Variants in ANKRD13C observed in about 807,000 individuals in gnomAD.
The protein encoded by ANKRD13C is ankyrin repeat domain 13C.
Under a neutral mutation model 65.5 loss-of-function variants are expected in ANKRD13C, and 16 were observed. The ratio of observed to expected loss-of-function variants is 0.24; its 90% confidence interval spans 0.17 to 0.37. The LOEUF (loss-of-function observed/expected upper bound fraction) is 0.37, where lower values mean the gene tolerates loss of function less well. Among genes scored for constraint, ANKRD13C ranks in the 10% least tolerant of loss-of-function variants. ANKRD13C has a pLI of 1.00. For missense variants in ANKRD13C, 503 were observed against 655.9 expected, an observed-to-expected ratio of 0.77 and a Z score of 2.55; for synonymous variants, 235 against 238.7, an observed-to-expected ratio of 0.98 and a Z score of 0.14.
At chr1:70,279,689 G>C (rs1311725172) in intron 9 of ANKRD13C, among the ~76,000 whole-genome samples, 1 of 151,882 alleles carries the variant, frequency 6.6e-6, no homozygotes, top group Non-Finnish European at 1.5e-5. Context: ...TTTTAATAGA[G>C]ATGGGGTTTC....
intron 9 of ANKRD13C, among the ~76,000 whole-genome samples, chr1:70,286,911 G>T (rs577563316): frequency 6.6e-6 from 1 of 152,246 alleles, no homozygotes; most frequent in South Asian, 2.1e-4. Flanking sequence ...GCTTGAACAT[G>T]GCAGGCAGAG....
chr1:70,349,261 T>C (rs1489551689), intron 1 of ANKRD13C, among the ~76,000 whole-genome samples: 1 of 152,200 alleles, frequency 6.6e-6, no homozygotes, highest in African/African-American at 2.4e-5. Context: ...GATTCAATCT[T>C]TTAATTTTAC....
chr1:70,315,362 T>A (rs1226865480), intron 4 of ANKRD13C, 119 bp downstream of exon 4: 13 of 721,258 alleles, frequency 1.8e-5, no homozygotes, highest in Non-Finnish European at 6.9e-6. Flanking sequence ...TTAAGCATGA[T>A]TTTTACCATT....
At chr1:70,349,767 A>G (rs954185269) in intron 1 of ANKRD13C, among the ~76,000 whole-genome samples, 2 of 152,216 alleles carry the variant, frequency 1.3e-5, no homozygotes, top group African/African-American at 4.8e-5. Context: ...TTGAGGTTAA[A>G]AAAATAAATA....
intron 12 of ANKRD13C, among the ~76,000 whole-genome samples, chr1:70,264,475 C>CAAAA (rs57312096): frequency 1.0e-4 from 5 of 48,924 alleles, no homozygotes; most frequent in Admixed American, 2.6e-4. Flanking sequence ...GACTCTATCT[C>CAAAA]AAAAAAAAAA....
intron 2 of ANKRD13C, among the ~76,000 whole-genome samples, chr1:70,329,850 TGA>T (rs1681706393): frequency 6.6e-6 from 1 of 151,940 alleles, no homozygotes. Context: ...CCCAGCACTT[TGA>T]GAGGCTGAGG....
At chr1:70,270,737 G>T (rs1678843393) in intron 12 of ANKRD13C, 119 bp downstream of exon 12, 1 of 649,848 alleles carries the variant, frequency 1.5e-6, no homozygotes, top group Non-Finnish European at 2.7e-6. Context: ...CTCCTAAAAG[G>T]TCACGAACCA....
intron 8 of ANKRD13C, chr1:70,293,573 G>C: frequency 1.0e-6 from 1 of 985,036 alleles, no homozygotes; most frequent in Non-Finnish European, 1.2e-6. Context: ...AGTACTAGAT[G>C]ATTAGCAGTT....
At chr1:70,352,202 C>T (rs1476730711) in intron 1 of ANKRD13C, among the ~76,000 whole-genome samples, 1 of 151,862 alleles carries the variant, frequency 6.6e-6, no homozygotes, top group Non-Finnish European at 1.5e-5. Context: ...TAGCCTGGCG[C>T]GGTGGTGGGC....
rs1490442811 is a variant in ANKRD13C at position 70,262,600 on chromosome 1, G to T, written c.*117C>A. The T allele has an allele frequency of 8.6e-7, 1 of 1,165,364 alleles. No homozygotes were observed. The highest frequency in any genetic ancestry group is 1.2e-6 in the Non-Finnish European group (1 of 846,604). The allele number at this position is 1,165,364 out of a possible 1,614,324, so 72.2% of individuals were successfully genotyped here. A position where few individuals can be genotyped will look rare whatever the true frequency, so the allele number is the denominator to read the frequency against. On this transcript the variant is annotated 3_prime_UTR_variant, in exon 13 of 13. Transcript: ENST00000370944. ...CACTGTATCGTATTACTGATGTGTC[G>T]ATTCAATGTGTAATTCCCTTTTCTT...
rs1409021308 is a variant in ANKRD13C at position 70,265,079 on chromosome 1, T to C, written c.1496-2232A>G. ...GCAGGCGATGAGGTCAGAGGGGAAATAGGCTGCCAGATCAGGTGGAGTTTA... is the reference window on the plus strand; with the variant it reads ...GCAGGCGATGAGGTCAGAGGGGAAACAGGCTGCCAGATCAGGTGGAGTTTA... On this transcript the variant is annotated intron_variant, in intron 12 of 12. Coordinates refer to ENST00000370944, the MANE Select transcript of ANKRD13C (RefSeq NM_030816.5). Among the ~76,000 whole-genome samples the C allele has an allele frequency of 3.3e-5, 5 of 151,876 alleles. No homozygotes were observed. In the South Asian group the frequency reaches 6.2e-4, roughly 19 times the overall value.
rs1263968300 is a variant in ANKRD13C, at chr1:70,260,664, C to T, written c.*2053G>A. 6.6e-6 allele frequency: 1 copy of T among 152,074 alleles called. No individual in the cohort carries two copies. The highest frequency in any genetic ancestry group is 6.6e-5 in the Admixed American group (1 of 15,264). The allele number at this position is 152,074 out of a possible 1,614,324, so 9.4% of individuals were successfully genotyped here. A position where few individuals can be genotyped will look rare whatever the true frequency, so the allele number is the denominator to read the frequency against. On this transcript the variant is annotated 3_prime_UTR_variant, in exon 13 of 13. Transcript: ENST00000370944. ...TTTTCACCATCATAAGAGATATTGACATTTGTTTGCTCTTTGTGATCAGAG... is the reference window on the plus strand; with the variant it reads ...TTTTCACCATCATAAGAGATATTGATATTTGTTTGCTCTTTGTGATCAGAG...
At chr1:70,290,191 G>A (rs976576120) in intron 9 of ANKRD13C, among the ~76,000 whole-genome samples, 2 of 152,058 alleles carry the variant, frequency 1.3e-5, no homozygotes, top group Admixed American at 6.6e-5. Context: ...CTAAACTATG[G>A]CTGATTCACT....
chr1:70,326,887 T>G (rs1287411503), intron 2 of ANKRD13C, among the ~76,000 whole-genome samples: 2 of 151,024 alleles, frequency 1.3e-5, no homozygotes, highest in Non-Finnish European at 3.0e-5. Context: ...AAAAAACTGA[T>G]AAGCCCATAA....
chr1:70,306,598 C>T (rs1680594681), intron 5 of ANKRD13C, among the ~76,000 whole-genome samples: 1 of 152,006 alleles, frequency 6.6e-6, no homozygotes, highest in African/African-American at 2.4e-5. Context: ...AAACAATAAC[C>T]CTATGGTAAC....
At chr1:70,327,360 G>C (rs562955860) in intron 2 of ANKRD13C, among the ~76,000 whole-genome samples, 4 of 152,110 alleles carry the variant, frequency 2.6e-5, no homozygotes, top group African/African-American at 9.7e-5. Context: ...AAAGGATAAA[G>C]AACAGGTTAA....
intron 3 of ANKRD13C, among the ~76,000 whole-genome samples, chr1:70,318,397 C>T (rs1681159209): frequency 6.6e-6 from 1 of 152,144 alleles, no homozygotes; most frequent in South Asian, 2.1e-4. Context: ...CCTACTGCTC[C>T]AAGTATTACT....
At chr1:70,319,667 A>G (rs904345451) in intron 3 of ANKRD13C, among the ~76,000 whole-genome samples, 3 of 148,168 alleles carry the variant, frequency 2.0e-5, no homozygotes, top group Non-Finnish European at 3.0e-5. Flanking sequence ...TTTTTTTTTA[A>G]TATTTCCATG....
chr1:70,302,484 TGGGAGGCC>T (rs1680407045), intron 6 of ANKRD13C, among the ~76,000 whole-genome samples: 2 of 110,726 alleles, frequency 1.8e-5, no homozygotes, highest in Non-Finnish European at 3.6e-5. Context: ...CCCAGCACTT[TGGGAGGCC>T]AAGGCGGGCG....
Sources: allele counts gnomAD v4.1 joint callset (sites outside exome capture counted in the v4.1 genomes callset), GRCh38; gene constraint gnomAD v4.1.1; transcripts MANE v1.5; gene names NCBI Gene and HGNC (gene_info 2026-07-23, HGNC 2026-07-21).